The following RABGAP1L variants were observed in gnomAD, a reference collection of about 807,000 sequenced individuals.
RABGAP1L encodes the protein rab GTPase-activating protein 1-like.
RABGAP1L carries 63 observed loss-of-function variants against 137.7 expected under a neutral mutation model. The observed-to-expected ratio is 0.46, with a 90% CI of 0.37 to 0.56. RABGAP1L has a LOEUF of 0.56. Ranked by LOEUF, RABGAP1L falls within the 20% of genes least tolerant of loss-of-function variation. The probability of loss-of-function intolerance (pLI) is 0.00; values close to 1 mark genes in which losing one functional copy is unlikely to be tolerated. For synonymous variants in RABGAP1L, 431 were observed against 433.7 expected (o/e 0.99, Z 0.08); for missense variants, 1,095 against 1,244.0 (o/e 0.88, Z 1.80).
intron 10 of RABGAP1L, among the ~76,000 whole-genome samples, chr1:174,295,471 C>T (rs1022828426): frequency 2.6e-5 from 4 of 151,858 alleles, no homozygotes; most frequent in African/African-American, 9.7e-5. Flanking sequence ...GCAACCTCCT[C>T]CTCATGGGTT....
intron 13 of RABGAP1L, among the ~76,000 whole-genome samples, chr1:174,579,353 G>A (rs1668581037): frequency 6.6e-6 from 1 of 152,072 alleles, no homozygotes; most frequent in African/African-American, 2.4e-5. Context: ...ATGGCAAAGG[G>A]GAGTCCACAA....
At chr1:174,619,382 C>T (rs1316307916) in intron 13 of RABGAP1L, among the ~76,000 whole-genome samples, 1 of 152,090 alleles carries the variant, frequency 6.6e-6, no homozygotes, top group East Asian at 1.9e-4. Flanking sequence ...TTAAGGGCAG[C>T]CAGAGAGGAA....
chr1:174,891,981 A>G (rs565135131), intron 19 of RABGAP1L, among the ~76,000 whole-genome samples: 1 of 152,246 alleles, frequency 6.6e-6, no homozygotes, highest in East Asian at 1.9e-4. Context: ...CCTGTTGTCT[A>G]TAAAACAATA....
intron 13 of RABGAP1L, among the ~76,000 whole-genome samples, chr1:174,560,767 C>T (rs1667161029): frequency 6.6e-6 from 1 of 152,050 alleles, no homozygotes; most frequent in South Asian, 2.1e-4. Flanking sequence ...ATCTTTATGC[C>T]CATGTGTACT....
At chr1:174,708,189 G>A (rs888444497) in intron 17 of RABGAP1L, among the ~76,000 whole-genome samples, 1 of 152,028 alleles carries the variant, frequency 6.6e-6, no homozygotes, top group African/African-American at 2.4e-5. Flanking sequence ...AATATCACCA[G>A]GTATAATTCT....
chr1:174,803,704 G>C (rs1421037553), intron 18 of RABGAP1L, among the ~76,000 whole-genome samples: 1 of 151,614 alleles, frequency 6.6e-6, no homozygotes, highest in Non-Finnish European at 1.5e-5. Flanking sequence ...CAAGAATAGT[G>C]AGAAGTTTGG....
At chr1:174,817,452 T>TA (rs958239696) in intron 19 of RABGAP1L, among the ~76,000 whole-genome samples, 19 of 151,414 alleles carry the variant, frequency 1.3e-4, no homozygotes, top group African/African-American at 3.6e-4. Flanking sequence ...AGCCCATAGG[T>TA]AAAAAAAATA....
chr1:174,611,577 T>A (rs1356828185), intron 13 of RABGAP1L, among the ~76,000 whole-genome samples: 1 of 149,738 alleles, frequency 6.7e-6, no homozygotes, highest in Non-Finnish European at 1.5e-5. Flanking sequence ...AAGTAGTTTT[T>A]TCCAATTCTG....
chr1:174,359,031 T>C (rs1396844197), intron 11 of RABGAP1L, among the ~76,000 whole-genome samples: 6 of 152,240 alleles, frequency 3.9e-5, no homozygotes, highest in Admixed American at 6.5e-5. Context: ...ACCTGAATTA[T>C]GATGGAAAAG....
intron 13 of RABGAP1L, among the ~76,000 whole-genome samples, chr1:174,595,608 C>G (rs1024280467): frequency 2.0e-5 from 3 of 149,692 alleles, no homozygotes; most frequent in Non-Finnish European, 3.0e-5. Context: ...GTTGGAATAC[C>G]CTGCGATGTG....
chr1:174,797,118 T>G (rs1312029620), intron 18 of RABGAP1L, among the ~76,000 whole-genome samples: 29 of 152,210 alleles, frequency 1.9e-4, no homozygotes, highest in Non-Finnish European at 1.5e-5. Flanking sequence ...TCATTTTGAT[T>G]AATTTTTACT....
At chr1:174,632,368 G>T (rs1305534699) in intron 13 of RABGAP1L, among the ~76,000 whole-genome samples, 13 of 146,116 alleles carry the variant, frequency 8.9e-5, no homozygotes, top group Non-Finnish European at 1.6e-4. Flanking sequence ...AGAATTATGT[G>T]TCTTGGAGTT....
At chr1:174,536,922 T>TG (rs1175511153) in intron 13 of RABGAP1L, among the ~76,000 whole-genome samples, 1 of 152,152 alleles carries the variant, frequency 6.6e-6, no homozygotes, top group Non-Finnish European at 1.5e-5. Context: ...CAATTTTCTT[T>TG]GGGGAAAAAA....
At chr1:174,403,849 T>A (rs1236384409) in intron 13 of RABGAP1L, among the ~76,000 whole-genome samples, 1 of 151,984 alleles carries the variant, frequency 6.6e-6, no homozygotes, top group Non-Finnish European at 1.5e-5. Flanking sequence ...ATTTGCATTC[T>A]AAAATTTGAC....
At chr1:174,723,536 A>T (rs1043008313) in intron 17 of RABGAP1L, among the ~76,000 whole-genome samples, 14 of 152,226 alleles carry the variant, frequency 9.2e-5, no homozygotes, top group Admixed American at 9.2e-4. Flanking sequence ...CTATTGGGCC[A>T]TAGTAGTCAC....
At chr1:174,656,731 A>C (rs1024144689) in intron 14 of RABGAP1L, among the ~76,000 whole-genome samples, 4 of 152,298 alleles carry the variant, frequency 2.6e-5, no homozygotes, top group African/African-American at 9.6e-5. Flanking sequence ...CTAATTCTGT[A>C]GAGTTTGTAT....
intron 11 of RABGAP1L, among the ~76,000 whole-genome samples, chr1:174,357,746 A>G (rs1015832663): frequency 1.1e-4 from 16 of 152,168 alleles, no homozygotes; most frequent in South Asian, 2.1e-4. Context: ...TCATCTTTCT[A>G]TATTTCCTGA....
chr1:174,473,024 G>A (rs1309819818), intron 13 of RABGAP1L, among the ~76,000 whole-genome samples: 1 of 152,044 alleles, frequency 6.6e-6, no homozygotes, highest in Non-Finnish European at 1.5e-5. Context: ...GTGCATAATA[G>A]AAACAAATTT....
chr1:174,477,276 T>C (rs1323088227), intron 13 of RABGAP1L, among the ~76,000 whole-genome samples: 1 of 152,220 alleles, frequency 6.6e-6, no homozygotes, highest in Non-Finnish European at 1.5e-5. Flanking sequence ...CATTGCAAGC[T>C]AAAATTATGC....
Sources: gnomAD v4.1 joint callset for allele counts (sites outside exome capture counted in the v4.1 genomes callset) on GRCh38, gnomAD v4.1.1 for gene constraint, MANE v1.5 for transcripts, NCBI Gene and HGNC (gene_info 2026-07-23, HGNC 2026-07-21) for gene names.